Variants in NFATC3 observed in about 807,000 individuals in gnomAD.
NFATC3 encodes nuclear factor of activated T cells 3, also known as nuclear factor of activated T-cells, cytoplasmic 3.
NFATC3 carries 46 observed loss-of-function variants against 98.6 expected under a neutral mutation model. That is an observed-to-expected ratio of 0.47 (90% CI 0.37 to 0.60). The LOEUF (loss-of-function observed/expected upper bound fraction) is 0.60, where lower values mean the gene tolerates loss of function less well. NFATC3 is among the 20% of genes least tolerant of loss of function. NFATC3 has a pLI of 0.00. For missense variants in NFATC3, 1,256 were observed against 1,295.5 expected, an observed-to-expected ratio of 0.97 and a Z score of 0.47; for synonymous variants, 512 against 472.2, an observed-to-expected ratio of 1.08 and a Z score of -1.09.
At chr16:68,226,192 C>A in intron 9 of NFATC3, 158 bp from the exon 10 acceptor site, 1 of 768,154 alleles carries the variant, frequency 1.3e-6, no homozygotes, top group Non-Finnish European at 1.9e-6. Context: ...ATGTTTCCAT[C>A]TCTAATGCCA....
intron 3 of NFATC3, among the ~76,000 whole-genome samples, chr16:68,143,945 A>C (rs1002237801): frequency 2.0e-5 from 3 of 152,198 alleles, no homozygotes; most frequent in African/African-American, 7.2e-5. Flanking sequence ...CTAAGCAAAG[A>C]TCTCTAGAAC....
intron 9 of NFATC3, chr16:68,212,430 T>G (rs1277639555): frequency 1.3e-5 from 2 of 152,192 alleles, no homozygotes; most frequent in Admixed American, 1.3e-4. Context: ...TCCTTTTACT[T>G]GAAGTTGTAC....
At chr16:68,214,085 T>C (rs1470442552) in intron 9 of NFATC3, among the ~76,000 whole-genome samples, 1 of 152,192 alleles carries the variant, frequency 6.6e-6, no homozygotes, top group African/African-American at 2.4e-5. Flanking sequence ...AAACCATAAT[T>C]GTAACTCTTA....
At chr16:68,135,969 G>A (rs369244895) in intron 3 of NFATC3, among the ~76,000 whole-genome samples, 12 of 151,766 alleles carry the variant, frequency 7.9e-5, no homozygotes, top group Middle Eastern at 6.8e-3. Flanking sequence ...AGGCTAAGGC[G>A]AGAGTATCAC....
chr16:68,167,708 A>G (rs554134442), intron 5 of NFATC3, among the ~76,000 whole-genome samples: 37 of 151,310 alleles, frequency 2.4e-4, no homozygotes, highest in Admixed American at 4.6e-4. Context: ...TACTCATTCA[A>G]GGTTATTTGC....
intron 1 of NFATC3, among the ~76,000 whole-genome samples, chr16:68,121,067 C>G (rs535966158): frequency 1.3e-5 from 2 of 151,136 alleles, no homozygotes; most frequent in African/African-American, 4.9e-5. Context: ...ATCAAGATAT[C>G]TCATTGTGTA....
At chr16:68,134,794 G>T (rs2037300459) in intron 3 of NFATC3, among the ~76,000 whole-genome samples, 1 of 151,934 alleles carries the variant, frequency 6.6e-6, no homozygotes, top group South Asian at 2.1e-4. Context: ...TTTGTTTTTT[G>T]AATTCATGAA....
At chr16:68,151,522 T>C (rs754408933) in intron 3 of NFATC3, among the ~76,000 whole-genome samples, 15 of 152,224 alleles carry the variant, frequency 9.9e-5, no homozygotes, top group Non-Finnish European at 1.8e-4. Flanking sequence ...TCTAAGTTTA[T>C]AAACATTTTC....
At chr16:68,181,064 T>C (rs921228353) in intron 6 of NFATC3, among the ~76,000 whole-genome samples, 1 of 152,226 alleles carries the variant, frequency 6.6e-6, no homozygotes, top group African/African-American at 2.4e-5. Flanking sequence ...GTTCTAGATC[T>C]TTGAGGAATC....
At chr16:68,218,393 G>A (rs1308594962) in intron 9 of NFATC3, among the ~76,000 whole-genome samples, 1 of 150,836 alleles carries the variant, frequency 6.6e-6, no homozygotes, top group African/African-American at 2.4e-5. Context: ...TGGGCAACAT[G>A]GCAAACCCTG....
At chr16:68,188,419 G>C (rs934250896) in intron 8 of NFATC3, among the ~76,000 whole-genome samples, 13 of 152,258 alleles carry the variant, frequency 8.5e-5, no homozygotes, top group Admixed American at 4.6e-4. Flanking sequence ...GAAGTGCAAG[G>C]CTCCCGCCCT....
At chr16:68,162,123 C>G (rs950814417) in intron 4 of NFATC3, among the ~76,000 whole-genome samples, 1 of 152,196 alleles carries the variant, frequency 6.6e-6, no homozygotes, top group South Asian at 2.1e-4. Context: ...CCTAAAACTT[C>G]TTGACCATTC....
At chr16:68,199,221 T>A (rs2040801580) in intron 9 of NFATC3, among the ~76,000 whole-genome samples, 1 of 150,568 alleles carries the variant, frequency 6.6e-6, no homozygotes, top group African/African-American at 2.5e-5. Flanking sequence ...GTTTATTTTT[T>A]TTTTATTTTT....
At chr16:68,220,293 G>A (rs117761434) in intron 9 of NFATC3, among the ~76,000 whole-genome samples, 16,136 of 152,136 alleles carry the variant, frequency 0.11, 973 homozygotes, top group South Asian at 0.19. Context: ...AGAGGCCGAG[G>A]TGGCCAGATC....
At chr16:68,183,966 A>G (rs2040054654) in intron 8 of NFATC3, among the ~76,000 whole-genome samples, 1 of 143,344 alleles carries the variant, frequency 7.0e-6, no homozygotes. Context: ...AGATCGCACC[A>G]TTGCACTCCA....
At chr16:68,136,560 C>T (rs189583995) in intron 3 of NFATC3, among the ~76,000 whole-genome samples, 20 of 152,296 alleles carry the variant, frequency 1.3e-4, no homozygotes, top group Non-Finnish European at 1.8e-4. Flanking sequence ...TGAGCCACCA[C>T]GCCTGGCCTC....
chr16:68,089,121 G>T, intron 1 of NFATC3: 1 of 985,432 alleles, frequency 1.0e-6, no homozygotes. Context: ...GGCTGCAGTG[G>T]TTTTACATCT....
In NFATC3 at chr16:68,085,601, G is replaced by A; in HGVS notation, c.-81G>A. The A allele has an allele frequency of 8.0e-7, 1 of 1,250,518 alleles. No homozygotes were observed. The highest frequency in any genetic ancestry group is 3.1e-5 in the East Asian group (1 of 32,166). 77.5% of individuals were successfully genotyped at this position (1,250,518 alleles called of 1,614,324 possible). A position where few individuals can be genotyped will look rare whatever the true frequency, so the allele number is the denominator to read the frequency against. ...TGGCCCGCGCGGCCCGGCATGAAGC[G>A]GCGTTGAGGAGCTGCTGCCGCCGCT... On this transcript the variant is annotated 5_prime_UTR_variant, in exon 1 of 10. Transcript: ENST00000346183.
At chr16:68,141,266 G>A (rs2037740388) in intron 3 of NFATC3, among the ~76,000 whole-genome samples, 1 of 152,146 alleles carries the variant, frequency 6.6e-6, no homozygotes, top group South Asian at 2.1e-4. Context: ...TGTGAATAAT[G>A]TATGTATGCA....
Sources: allele counts gnomAD v4.1 joint callset (sites outside exome capture counted in the v4.1 genomes callset), GRCh38; gene constraint gnomAD v4.1.1; transcripts MANE v1.5; gene names NCBI Gene and HGNC (gene_info 2026-07-23, HGNC 2026-07-21).